Variants in ANKRD55 observed in about 807,000 individuals in gnomAD.
ANKRD55 encodes the protein ankyrin repeat domain-containing protein 55.
Under a neutral mutation model 60.6 loss-of-function variants are expected in ANKRD55, and 41 were observed. That is an observed-to-expected ratio of 0.68 (90% CI 0.53 to 0.88). ANKRD55 has a LOEUF of 0.88. Ranked by LOEUF, ANKRD55 falls within the 40% of genes least tolerant of loss-of-function variation. ANKRD55 has a pLI of 0.00. For synonymous variants in ANKRD55, 264 were observed against 290.3 expected, an observed-to-expected ratio of 0.91 and a Z score of 0.92; for missense variants, 732 against 767.6, an observed-to-expected ratio of 0.95 and a Z score of 0.55.
chr5:56,141,139 T>TTG (rs1554039038), intron 7 of ANKRD55, among the ~76,000 whole-genome samples: 1 of 148,890 alleles, frequency 6.7e-6, no homozygotes, highest in African/African-American at 2.5e-5. Context: ...AGTTTTTTTT[T>TTG]TTTTTTTTTT....
At chr5:56,231,469 G>A (rs892221155) in intron 2 of ANKRD55, among the ~76,000 whole-genome samples, 2 of 152,144 alleles carry the variant, frequency 1.3e-5, no homozygotes, top group African/African-American at 4.8e-5. Context: ...TCGTGGCTTA[G>A]CAACATCATT....
At chr5:56,137,434 A>C in intron 7 of ANKRD55, 1 of 852,830 alleles carries the variant, frequency 1.2e-6, no homozygotes, top group South Asian at 1.3e-5. Flanking sequence ...CTTACTGAAA[A>C]GGAACAAAAT....
At chr5:56,163,479 C>T (rs575631001) in intron 5 of ANKRD55, among the ~76,000 whole-genome samples, 68 of 152,188 alleles carry the variant, frequency 4.5e-4, no homozygotes, top group Admixed American at 1.1e-3. Context: ...TTCAGACTCC[C>T]TCCTGTCCTC....
At chr5:56,149,548 G>A (rs1757990132) in intron 6 of ANKRD55, among the ~76,000 whole-genome samples, 1 of 152,136 alleles carries the variant, frequency 6.6e-6, no homozygotes, top group African/African-American at 2.4e-5. Context: ...AACAAAAAAA[G>A]AACATCTACA....
In ANKRD55 at chr5:56,127,057, G is replaced by A. The variant is rs772126737; in HGVS notation, c.662C>T (p.Pro221Leu). The A allele has an allele frequency of 3.1e-6, 5 of 1,613,460 alleles. No homozygotes were observed. The highest frequency in any genetic ancestry group is 1.3e-5 in the African/African-American group (1 of 74,962). Reference sequence around the variant, plus strand: ...CTCATCATCATAGTTGATTATGGACGGCCCCTGGTGATGGCTCAGAATGAT... The same window carrying A: ...CTCATCATCATAGTTGATTATGGACAGCCCCTGGTGATGGCTCAGAATGAT... ...CSIILSHHQG[P>L]SIINYDDESG... The change falls in exon 8 of 12, where the codon CCG (proline) becomes CTG (leucine). Residue 221 changes from proline to leucine, a missense_variant. By Grantham distance (98) the Pro-to-Leu change is moderately conservative. Transcript: ENST00000341048.
At chr5:56,136,944 C>T in intron 7 of ANKRD55, 1 of 469,648 alleles carries the variant, frequency 2.1e-6, no homozygotes. Context: ...CCAGGAGATG[C>T]TCTTTCCCTA....
At chr5:56,198,815 C>T (rs1203364760) in intron 2 of ANKRD55, among the ~76,000 whole-genome samples, 1 of 151,986 alleles carries the variant, frequency 6.6e-6, no homozygotes, top group Non-Finnish European at 1.5e-5. Flanking sequence ...AGCGGTGGCT[C>T]ACACCTGTAA....
chr5:56,188,642 T>A (rs532973993), intron 2 of ANKRD55, among the ~76,000 whole-genome samples: 255 of 152,360 alleles, frequency 1.7e-3, no homozygotes, highest in Non-Finnish European at 2.7e-3. Context: ...TGTGAACTTG[T>A]TTCTGGAATC....
intron 10 of ANKRD55, 92 bp downstream of exon 10, chr5:56,111,026 G>A (rs1216076201): frequency 7.7e-6 from 11 of 1,425,980 alleles, no homozygotes; most frequent in Non-Finnish European, 9.5e-6. Context: ...CTGCCTTCTA[G>A]GCTATTGTCA....
chr5:56,131,266 G>T (rs1202071284), intron 7 of ANKRD55, among the ~76,000 whole-genome samples: 1 of 152,082 alleles, frequency 6.6e-6, no homozygotes, highest in African/African-American at 2.4e-5. Flanking sequence ...CAGAGGAAAA[G>T]AACACCTTAC....
Position 56,131,517 on chromosome 5 carries a change from C to T in ANKRD55, c.613-4411G>A, listed in dbSNP as rs529211905. ...CTAGATGTTAAAAGTAGTTTCTTGA[C>T]GGGTGCGGTGGCTCATGCCTGTAAT... On this transcript the variant is annotated intron_variant, in intron 7 of 11. Coordinates refer to ENST00000341048, the MANE Select transcript of ANKRD55 (RefSeq NM_024669.3). 6.6e-5 allele frequency among the ~76,000 whole-genome samples: 10 copies of T among 152,044 alleles called. 1 individual carries two copies. Among genetic ancestry groups the T allele is most frequent in the South Asian group, 2.1e-4 (1 of 4,816 alleles).
intron 3 of ANKRD55, among the ~76,000 whole-genome samples, chr5:56,181,847 G>A (rs1232729217): frequency 1.3e-5 from 2 of 152,254 alleles, no homozygotes; most frequent in East Asian, 3.9e-4. Context: ...TGCTTGCCTC[G>A]GCCTCCCGAA....
chr5:56,105,356 G>A (rs1756427357), intron 10 of ANKRD55, among the ~76,000 whole-genome samples: 1 of 152,174 alleles, frequency 6.6e-6, no homozygotes, highest in African/African-American at 2.4e-5. Context: ...CAAAGTGTTG[G>A]GATTACAGGC....
At chr5:56,166,187 TTCCTTCCTTCCTTC>T (rs1758474108) in intron 5 of ANKRD55, among the ~76,000 whole-genome samples, 1 of 120,514 alleles carries the variant, frequency 8.3e-6, no homozygotes, top group Non-Finnish European at 1.6e-5. Flanking sequence ...CCTTCCTTCC[TTCCTTCCTTCCTTC>T]TCTCTCTCTC....
intron 5 of ANKRD55, among the ~76,000 whole-genome samples, chr5:56,160,341 C>T (rs1301832704): frequency 6.6e-6 from 1 of 152,188 alleles, no homozygotes; most frequent in Non-Finnish European, 1.5e-5. Flanking sequence ...CGGATTAGCA[C>T]CATCCTCCTG....
intron 11 of ANKRD55, among the ~76,000 whole-genome samples, chr5:56,102,042 G>A (rs187044069): frequency 2.0e-5 from 3 of 152,008 alleles, no homozygotes; most frequent in Admixed American, 2.0e-4. Flanking sequence ...TTTAAAGATG[G>A]TCTCTGTTTT....
At chr5:56,119,033 A>G (rs1236450067) in intron 8 of ANKRD55, among the ~76,000 whole-genome samples, 2 of 152,246 alleles carry the variant, frequency 1.3e-5, no homozygotes, top group Non-Finnish European at 2.9e-5. Flanking sequence ...CCGAAGTTAA[A>G]CACATACTTA....
At chr5:56,103,544 G>A (rs1333085943) in intron 10 of ANKRD55, among the ~76,000 whole-genome samples, 1 of 152,124 alleles carries the variant, frequency 6.6e-6, no homozygotes, top group Non-Finnish European at 1.5e-5. Context: ...TTGATTCCCT[G>A]CTTCCCCACT....
chr5:56,106,674 C>G (rs566087356), intron 10 of ANKRD55, among the ~76,000 whole-genome samples: 1 of 151,998 alleles, frequency 6.6e-6, no homozygotes, highest in African/African-American at 2.4e-5. Flanking sequence ...TCAGGTGATC[C>G]GCCTACCTTG....
Sources: gnomAD v4.1 joint callset for allele counts (sites outside exome capture counted in the v4.1 genomes callset) on GRCh38, gnomAD v4.1.1 for gene constraint, MANE v1.5 for transcripts, NCBI Gene and HGNC (gene_info 2026-07-23, HGNC 2026-07-21) for gene names.